ACSM2B: variants seen among roughly 807,000 people sequenced by gnomAD.
ACSM2B encodes acyl-CoA synthetase medium chain family member 2B.
Under a neutral mutation model 78.6 loss-of-function variants are expected in ACSM2B, and 58 were observed. The observed-to-expected ratio is 0.74, with a 90% CI of 0.60 to 0.92. The LOEUF is 0.92. Ranked by LOEUF, ACSM2B falls within the 40% of genes least tolerant of loss-of-function variation. The pLI is 0.00. For missense variants in ACSM2B, 688 were observed against 711.2 expected, an observed-to-expected ratio of 0.97 and a Z score of 0.37; for synonymous variants, 257 against 256.8, an observed-to-expected ratio of 1.00 and a Z score of -0.01.
chr16:20,554,301 G>A, intron 4 of ACSM2B: 2 of 382,660 alleles, frequency 5.2e-6, no homozygotes, highest in African/African-American at 2.1e-5. Flanking sequence ...GAAGAGCCCT[G>A]GCATGACACC....
At chr16:20,549,775 T>C (rs1341620166) in intron 6 of ACSM2B, 5 of 450,448 alleles carry the variant, frequency 1.1e-5, no homozygotes, top group Non-Finnish European at 1.8e-5. Flanking sequence ...AAAAAATACA[T>C]TGGTTTGGTC....
chr16:20,560,614 C>G (rs922483600), intron 2 of ACSM2B, among the ~76,000 whole-genome samples: 6 of 152,028 alleles, frequency 3.9e-5, no homozygotes, highest in Non-Finnish European at 8.8e-5. Flanking sequence ...TCAGGTATTC[C>G]TTTACAGCAA....
intron 1 of ACSM2B, among the ~76,000 whole-genome samples, chr16:20,572,054 T>C (rs1014196709): frequency 3.3e-5 from 5 of 149,930 alleles, no homozygotes; most frequent in African/African-American, 1.2e-4. Flanking sequence ...ATGGAGTACT[T>C]AGGCCATTTA....
intron 3 of ACSM2B, among the ~76,000 whole-genome samples, chr16:20,557,943 T>C (rs1394034176): frequency 3.3e-5 from 5 of 152,192 alleles, no homozygotes; most frequent in African/African-American, 1.2e-4. Flanking sequence ...ATGGCAGAAA[T>C]CTAACTTATA....
At position 20,552,208 on chromosome 16, in the gene ACSM2B, C is replaced by T; in HGVS notation, c.830G>A (p.Trp277Ter). 6.2e-7 allele frequency: 1 copy of T among 1,613,838 alleles called. No individual in the cohort carries two copies. Among genetic ancestry groups the T allele is most frequent in the Non-Finnish European group, 8.5e-7 (1 of 1,179,830 alleles). ...LNILGSLLESWTLGACTFVHL... is the reference protein window; with the variant it reads ...LNILGSLLES Reference sequence around the variant, plus strand: ...AACAAATGTGCATGCTCCTAATGTCCAAGATTCCAAAAGTGAGCCCAAGAT... The same window carrying T: ...AACAAATGTGCATGCTCCTAATGTCTAAGATTCCAAAAGTGAGCCCAAGAT... Residue 277 changes from tryptophan (W) to a stop codon, truncating the protein, a stop_gained, in exon 6 of 14, where the codon TGG becomes TAG. Transcript: ENST00000329697. LOFTEE classifies it high-confidence loss of function.
chr16:20,567,126 A>T lies in ACSM2B; in HGVS notation c.-8-2273T>A, dbSNP rs1201424511. Among the ~76,000 whole-genome samples the T allele has an allele frequency of 3.7e-5, 5 of 135,600 alleles. No homozygotes were observed. The South Asian group carries it at 1.1e-3, about 29-fold the overall frequency. The allele number at this position is 135,600 out of a possible 152,430, so 89.0% of individuals were successfully genotyped here. On this transcript the variant is annotated intron_variant, in intron 1 of 13. Transcript: ENST00000329697. Reference sequence around the variant, plus strand: ...TAATATATATAATAGTATAGTATATATAGATATAGATATAATATATAGTAT... The same window carrying T: ...TAATATATATAATAGTATAGTATATTTAGATATAGATATAATATATAGTAT...
rs370410343 is a variant in ACSM2B at position 20,558,238 on chromosome 16, C to G, written c.388+999G>C. 2.6e-5 allele frequency among the ~76,000 whole-genome samples: 4 copies of G among 152,038 alleles called. No individual in the cohort carries two copies. In the South Asian group the frequency reaches 8.3e-4, roughly 32 times the overall value. On this transcript the variant is annotated intron_variant, in intron 3 of 13. Transcript: ENST00000329697. ...CAGATCAGTAACTGATACCAAGAAA[C>G]TAACTCAACCAGTTCTGTGATCTCT...
intron 1 of ACSM2B, among the ~76,000 whole-genome samples, chr16:20,573,494 C>CA (rs926258372): frequency 6.9e-6 from 1 of 144,470 alleles, no homozygotes; most frequent in African/African-American, 2.8e-5. Context: ...TTTCTTCTGG[C>CA]AAAAAAAGTT....
chr16:20,559,598 G>A (rs1296077220), intron 2 of ACSM2B, 151 bp from the exon 3 acceptor site: 2 of 1,238,728 alleles, frequency 1.6e-6, no homozygotes, highest in Non-Finnish European at 2.2e-6. Flanking sequence ...AAACCCTAAA[G>A]AGTTGTTATT....
intron 1 of ACSM2B, among the ~76,000 whole-genome samples, chr16:20,571,541 T>C (rs2016094211): frequency 6.7e-6 from 1 of 150,126 alleles, no homozygotes; most frequent in Non-Finnish European, 1.5e-5. Flanking sequence ...AAATGTGTAT[T>C]CCATGGTTGT....
intron 1 of ACSM2B, among the ~76,000 whole-genome samples, chr16:20,572,517 C>T (rs1212260762): frequency 7.2e-6 from 1 of 138,740 alleles, no homozygotes; most frequent in Admixed American, 6.9e-5. Flanking sequence ...TTCTTTCCTT[C>T]ATCTTGGCTT....
chr16:20,542,534 T>C (rs1259302797), intron 12 of ACSM2B: 2 of 214,910 alleles, frequency 9.3e-6, no homozygotes, highest in Non-Finnish European at 1.9e-5. Flanking sequence ...CATATCTTCG[T>C]ATTGTGAATA....
intron 1 of ACSM2B, among the ~76,000 whole-genome samples, chr16:20,571,174 T>G (rs1346905844): frequency 4.6e-5 from 7 of 151,818 alleles, no homozygotes; most frequent in South Asian, 2.1e-4. Flanking sequence ...TGTCTATTTG[T>G]GCTCTTTCAG....
chr16:20,566,689 C>G (rs1290890899), intron 1 of ACSM2B, among the ~76,000 whole-genome samples: 123 of 4,208 alleles, frequency 0.029, 19 homozygotes, highest in Non-Finnish European at 0.049. Flanking sequence ...ATAGTATATA[C>G]TATATATAGT....
At chr16:20,546,796 A>G (rs570956256) in intron 8 of ACSM2B, 30 of 250,422 alleles carry the variant, frequency 1.2e-4, no homozygotes, top group African/African-American at 4.0e-4. Flanking sequence ...AACTATATGG[A>G]ATCACCAATA....
intron 13 of ACSM2B, among the ~76,000 whole-genome samples, chr16:20,538,211 G>A (rs2014896011): frequency 6.6e-6 from 1 of 152,176 alleles, no homozygotes; most frequent in Middle Eastern, 3.2e-3. Flanking sequence ...GCTGATATAA[G>A]AATTCTTCTA....
rs935708923 is a variant in ACSM2B, at chr16:20,544,431, G to A, written c.1281+726C>T. 4 of 489,890 alleles carry A rather than the reference G, an allele frequency of 8.2e-6. No individual in the cohort carries two copies. In the African/African-American group the frequency reaches 8.6e-5, roughly 10 times the overall value. The allele number at this position is 489,890 out of a possible 1,614,324, so 30.3% of individuals were successfully genotyped here. Reference sequence around the variant, plus strand: ...TAGGGTGGCTGGGAGGATTAAACGAGTTGAAAGTTTAAATGAGTTTAAAGT... The same window carrying A: ...TAGGGTGGCTGGGAGGATTAAACGAATTGAAAGTTTAAATGAGTTTAAAGT... On this transcript the variant is annotated intron_variant, in intron 10 of 13. Coordinates refer to ENST00000329697, the MANE Select transcript of ACSM2B (RefSeq NM_001105069.2).
chr16:20,575,971 CCT>C (rs1227065297), intron 1 of ACSM2B, among the ~76,000 whole-genome samples: 2 of 151,072 alleles, frequency 1.3e-5, no homozygotes, highest in Admixed American at 6.6e-5. Context: ...CTACCAGCCC[CCT>C]GTTACCACCT....
At chr16:20,551,357 GC>G (rs1168728703) in intron 6 of ACSM2B, among the ~76,000 whole-genome samples, 1 of 152,092 alleles carries the variant, frequency 6.6e-6, no homozygotes, top group African/African-American at 2.4e-5. Flanking sequence ...TGGAGGTGGG[GC>G]TTTTAGGGGT....
Sources: gnomAD v4.1 joint callset for allele counts (sites outside exome capture counted in the v4.1 genomes callset) on GRCh38, gnomAD v4.1.1 for gene constraint, MANE v1.5 for transcripts, NCBI Gene and HGNC (gene_info 2026-07-23, HGNC 2026-07-21) for gene names.